AHCY: variants seen among roughly 807,000 people sequenced by gnomAD.
AHCY encodes the protein S-adenosyl-L-homocysteine hydrolase.
In AHCY, 24 loss-of-function variants were observed where a neutral mutation model predicts 45.4. The observed-to-expected ratio is 0.53, with a 90% confidence interval of 0.38 to 0.74. The LOEUF is 0.74. Among genes scored for constraint, AHCY ranks in the 30% least tolerant of loss-of-function variants. The probability of loss-of-function intolerance (pLI) is 0.00; values close to 1 mark genes in which losing one functional copy is unlikely to be tolerated. For missense variants in AHCY, 449 were observed against 594.1 expected (o/e 0.76, Z 2.54); for synonymous variants, 245 against 235.1 (o/e 1.04, Z -0.39).
chr20:34,294,181 TG>T, intron 2 of AHCY, 25 bp from the exon 3 acceptor site: 1 of 1,608,310 alleles, frequency 6.2e-7, no homozygotes, highest in Non-Finnish European at 8.5e-7. Flanking sequence ...AAAACAAGGC[TG>T]TTGGTCACTG....
At chr20:34,252,579 G>A in the AHCY span, among the ~76,000 whole-genome samples, 50 of 152,046 alleles carry the variant, frequency 3.3e-4, no homozygotes, top group African/African-American at 1.2e-3. Flanking sequence ...GGGAATGGTC[G>A]GCTGTACACT....
chr20:34,307,966 A>G (rs879232681), upstream of AHCY, among the ~76,000 whole-genome samples: 1 of 151,954 alleles, frequency 6.6e-6, no homozygotes, highest in Non-Finnish European at 1.5e-5. Flanking sequence ...TCATCCCTCA[A>G]ATAGGGCCCA....
intron 1 of AHCY, among the ~76,000 whole-genome samples, chr20:34,309,003 A>G (rs2036922193): frequency 8.1e-6 from 1 of 123,334 alleles, no homozygotes; most frequent in Non-Finnish European, 1.6e-5. Context: ...TCTGCTGCTC[A>G]AGCTAGGGTA....
the AHCY span, chr20:34,250,288 G>A: frequency 6.6e-6 from 1 of 152,266 alleles, no homozygotes; most frequent in Non-Finnish European, 1.5e-5. Context: ...TGAACACCTA[G>A]TATGGTCAGC....
intron 1 of AHCY, among the ~76,000 whole-genome samples, chr20:34,301,523 T>C (rs1419403879): frequency 6.6e-6 from 1 of 152,226 alleles, no homozygotes; most frequent in Non-Finnish European, 1.5e-5. Context: ...CTGTAAAGTG[T>C]GGATAATCAT....
intron 3 of AHCY, chr20:34,293,766 C>T (rs2036480803): frequency 4.6e-6 from 2 of 432,368 alleles, no homozygotes; most frequent in Non-Finnish European, 8.6e-6. Context: ...GTAGCCCTCC[C>T]CAGTTCTTTG....
intron 8 of AHCY, among the ~76,000 whole-genome samples, chr20:34,288,077 G>T (rs1398917464): frequency 6.6e-6 from 1 of 152,180 alleles, no homozygotes; most frequent in Non-Finnish European, 1.5e-5. Context: ...ACACTGTGAT[G>T]AGTGCCAGGC....
the AHCY span, among the ~76,000 whole-genome samples, chr20:34,244,338 G>A: frequency 6.6e-6 from 1 of 152,024 alleles, no homozygotes; most frequent in African/African-American, 2.4e-5. Flanking sequence ...CTTGAGCATG[G>A]GTGTACAGTA....
intron 1 of AHCY, among the ~76,000 whole-genome samples, chr20:34,299,635 C>T (rs2036703357): frequency 6.6e-6 from 1 of 152,186 alleles, no homozygotes; most frequent in Non-Finnish European, 1.5e-5. Flanking sequence ...ACTGCCTCCA[C>T]AGCACCTCCA....
intron 9 of AHCY, among the ~76,000 whole-genome samples, chr20:34,283,869 GA>G (rs2036083052): frequency 6.6e-6 from 1 of 152,200 alleles, no homozygotes; most frequent in African/African-American, 2.4e-5. Context: ...TTCAAAAGAT[GA>G]AGGGATGGTA....
chr20:34,241,740 A>G, the AHCY span, among the ~76,000 whole-genome samples: 1 of 152,198 alleles, frequency 6.6e-6, no homozygotes, highest in African/African-American at 2.4e-5. Context: ...ATAAATAAAT[A>G]TATCTATATG....
At chr20:34,234,944 T>C in the AHCY span, 1 of 151,812 alleles carries the variant, frequency 6.6e-6, no homozygotes, top group Non-Finnish European at 1.5e-5. Flanking sequence ...TTTGATTTAA[T>C]CTTGTGTTGT....
chr20:34,248,365 C>A, the AHCY span, among the ~76,000 whole-genome samples: 1 of 152,130 alleles, frequency 6.6e-6, no homozygotes, highest in Non-Finnish European at 1.5e-5. Context: ...AAACTAAAAC[C>A]ACTTTTAAGT....
chr20:34,278,318 G>A (rs997128541), downstream of AHCY, among the ~76,000 whole-genome samples: 2 of 152,158 alleles, frequency 1.3e-5, no homozygotes, highest in African/African-American at 4.8e-5. Flanking sequence ...GAAGGGAGGT[G>A]GGGGGCTACA....
chr20:34,239,025 AATACTTTCC>A, the AHCY span, among the ~76,000 whole-genome samples: 2 of 152,142 alleles, frequency 1.3e-5, no homozygotes, highest in East Asian at 3.9e-4. Flanking sequence ...ATCTTCCCAG[AATACTTTCC>A]TGGCTAATTA....
chr20:34,295,699 ACT>A, intron 1 of AHCY, 114 bp from the exon 2 acceptor site: 1 of 1,063,110 alleles, frequency 9.4e-7, no homozygotes, highest in East Asian at 2.6e-5. Context: ...AGGGCTTAGC[ACT>A]CTGTCACCGC....
chr20:34,306,825 G>A (rs568290176), upstream of AHCY, among the ~76,000 whole-genome samples: 158 of 152,266 alleles, frequency 1.0e-3, 4 homozygotes, highest in South Asian at 0.032. Flanking sequence ...ATATTACATA[G>A]TATATTATTT....
At chr20:34,257,076 TTTTTTTG>T in the AHCY span, among the ~76,000 whole-genome samples, 1,380 of 151,120 alleles carry the variant, frequency 9.1e-3, 13 homozygotes, top group African/African-American at 0.032. Context: ...TTCTCTTTTT[TTTTTTTG>T]TTTTTTGTTT....
chr20:34,263,001 C>T, the AHCY span: 15 of 1,281,870 alleles, frequency 1.2e-5, no homozygotes, highest in Non-Finnish European at 1.6e-5. Flanking sequence ...TTTTTCAGGC[C>T]TATATTAACA....
Sources: allele counts gnomAD v4.1 joint callset (sites outside exome capture counted in the v4.1 genomes callset), GRCh38; gene constraint gnomAD v4.1.1; transcripts MANE v1.5; gene names NCBI Gene and HGNC (gene_info 2026-07-23, HGNC 2026-07-21).